Variants in TCF4 observed in about 807,000 individuals in gnomAD.
The protein encoded by TCF4 is SL3-3 enhancer factor 2.
TCF4 carries 3 observed loss-of-function variants against 82.1 expected under a neutral mutation model. The ratio of observed to expected loss-of-function variants is 0.04; its 90% CI spans 0.02 to 0.09. The LOEUF is 0.09. Among genes scored for constraint, TCF4 ranks in the 10% least tolerant of loss-of-function variants. TCF4 has a pLI of 1.00. For missense variants in TCF4, 518 were observed against 852.7 expected, an observed-to-expected ratio of 0.61 and a Z score of 4.89; for synonymous variants, 276 against 309.6, an observed-to-expected ratio of 0.89 and a Z score of 1.14.
intron 3 of TCF4, chr18:55,553,204 A>G (rs1302758160): frequency 6.6e-6 from 1 of 152,234 alleles, no homozygotes; most frequent in East Asian, 1.9e-4. Flanking sequence ...TATCATATAT[A>G]CATACATAGC....
intron 8 of TCF4, among the ~76,000 whole-genome samples, chr18:55,294,269 GA>G (rs1396986356): frequency 5.5e-5 from 8 of 144,368 alleles, no homozygotes; most frequent in South Asian, 4.2e-4. Flanking sequence ...CAAAAAAAAA[GA>G]AAAAAAAGAA....
At chr18:55,519,244 G>A (rs2096912004) in intron 3 of TCF4, among the ~76,000 whole-genome samples, 1 of 151,870 alleles carries the variant, frequency 6.6e-6, no homozygotes. Context: ...ACCAGCCTGG[G>A]CAACATTGTG....
Position 55,357,362 on chromosome 18 carries a change from C to T in TCF4, c.370-6359G>A, listed in dbSNP as rs974603196. ...ACAATACAGAATTTAAGAAAACTAT[C>T]TTCTTTGTCAGTTTAAGCTCCTTCT... On this transcript the variant is annotated intron_variant, in intron 6 of 19. Transcript: ENST00000354452. Among the ~76,000 whole-genome samples the T allele has an allele frequency of 4.5e-4, 68 of 152,244 alleles. 1 individual carries two copies. The highest frequency in any genetic ancestry group is 1.6e-3 in the African/African-American group (67 of 41,562).
At chr18:55,496,743 T>C (rs1568228801) in intron 3 of TCF4, among the ~76,000 whole-genome samples, 1 of 151,966 alleles carries the variant, frequency 6.6e-6, no homozygotes, top group African/African-American at 2.4e-5. Context: ...AGTAACCCAG[T>C]TATATAGTCC....
At chr18:55,555,761 G>A (rs754197002) in intron 3 of TCF4, among the ~76,000 whole-genome samples, 1 of 152,098 alleles carries the variant, frequency 6.6e-6, no homozygotes, top group Non-Finnish European at 1.5e-5. Context: ...TTTAGTAACT[G>A]CATTAGAAAG....
chr18:55,479,696 A>C (rs1603533310), intron 3 of TCF4, among the ~76,000 whole-genome samples: 1 of 152,102 alleles, frequency 6.6e-6, no homozygotes, highest in Non-Finnish European at 1.5e-5. Context: ...TGAGCCATGG[A>C]AGAAGCCAGG....
intron 3 of TCF4, among the ~76,000 whole-genome samples, chr18:55,552,159 A>G (rs989902825): frequency 6.6e-6 from 1 of 152,202 alleles, no homozygotes; most frequent in Non-Finnish European, 1.5e-5. Context: ...TACGTCTCCA[A>G]CTACAGTGTA....
At chr18:55,584,837 C>A (rs773594117) in intron 3 of TCF4, among the ~76,000 whole-genome samples, 1 of 152,116 alleles carries the variant, frequency 6.6e-6, no homozygotes, top group Non-Finnish European at 1.5e-5. Context: ...CATTCATTTG[C>A]AGAATTAAGT....
In TCF4 at chr18:55,631,293, C is replaced by G. The variant is rs1399271696; in HGVS notation, c.286+5G>C. 2.2e-6 allele frequency: 3 copies of G among 1,376,486 alleles called. No homozygotes were observed. The African/African-American group carries it at 4.3e-5, about 20-fold the overall frequency. 85.3% of individuals were successfully genotyped at this position (1,376,486 alleles called of 1,614,324 possible). A position where few individuals can be genotyped will look rare whatever the true frequency, so the allele number is the denominator to read the frequency against. On this transcript the variant is annotated splice_donor_5th_base_variant and intron_variant, in intron 2 of 20. Coordinates refer to the TCF4 transcript ENST00000398339. ...TGAACACCTGACCTCAGGTGATCCA[C>G]CTACCTTGGCCTCCCAAAGTGCTGG...
intron 10 of TCF4, 107 bp from the exon 11 acceptor site, chr18:55,270,070 T>C (rs2060017567): frequency 7.0e-7 from 1 of 1,431,890 alleles, no homozygotes; most frequent in Non-Finnish European, 9.8e-7. Context: ...GGAGACAGCT[T>C]TTAGAATTTC....
At chr18:55,506,364 A>T (rs868403569) in intron 3 of TCF4, among the ~76,000 whole-genome samples, 4 of 152,212 alleles carry the variant, frequency 2.6e-5, no homozygotes, top group Admixed American at 6.5e-5. Context: ...TGAGGCTGCT[A>T]CTTCCCAGTT....
chr18:55,309,931 A>G (rs527662932), intron 8 of TCF4, among the ~76,000 whole-genome samples: 1 of 152,364 alleles, frequency 6.6e-6, no homozygotes, highest in Admixed American at 6.5e-5. Flanking sequence ...ACCATCTTCC[A>G]GAAACAGAAA....
At chr18:55,313,580 G>A (rs1015983147) in intron 8 of TCF4, among the ~76,000 whole-genome samples, 3 of 152,100 alleles carry the variant, frequency 2.0e-5, no homozygotes, top group Non-Finnish European at 4.4e-5. Flanking sequence ...AAAGGACAGG[G>A]AAGGCATTAT....
chr18:55,408,339 C>T (rs1394918398), intron 5 of TCF4, among the ~76,000 whole-genome samples: 1 of 152,076 alleles, frequency 6.6e-6, no homozygotes, highest in East Asian at 1.9e-4. Flanking sequence ...GCCTTTTGTT[C>T]CCTGGCATCA....
At chr18:55,558,535 G>C (rs1482105628) in intron 3 of TCF4, among the ~76,000 whole-genome samples, 1 of 152,064 alleles carries the variant, frequency 6.6e-6, no homozygotes, top group African/African-American at 2.4e-5. Flanking sequence ...AATTACTTAT[G>C]CCCATACAAA....
At chr18:55,259,010 G>A (rs2145650068) in intron 13 of TCF4, among the ~76,000 whole-genome samples, 1 of 152,284 alleles carries the variant, frequency 6.6e-6, no homozygotes, top group East Asian at 1.9e-4. Context: ...GGAAGAGGTT[G>A]ACATTAAATC....
chr18:55,294,807 A>C (rs1432874410), intron 8 of TCF4, among the ~76,000 whole-genome samples: 1 of 152,170 alleles, frequency 6.6e-6, no homozygotes, highest in Non-Finnish European at 1.5e-5. Context: ...TATTGTAGGG[A>C]CAGGGTCTCA....
intron 15 of TCF4, among the ~76,000 whole-genome samples, chr18:55,251,988 CA>C (rs1246795789): frequency 1.6e-5 from 2 of 126,008 alleles, no homozygotes; most frequent in African/African-American, 6.1e-5. Context: ...TGGAATGTAT[CA>C]AATGGTCAAA....
At chr18:55,299,642 G>A (rs1324135891) in intron 8 of TCF4, among the ~76,000 whole-genome samples, 3 of 152,072 alleles carry the variant, frequency 2.0e-5, no homozygotes, top group Non-Finnish European at 4.4e-5. Context: ...GCCCATCTTA[G>A]AACAGATTAC....
Sources: allele counts gnomAD v4.1 joint callset (sites outside exome capture counted in the v4.1 genomes callset), GRCh38; gene constraint gnomAD v4.1.1; transcripts MANE v1.5; gene names NCBI Gene and HGNC (gene_info 2026-07-23, HGNC 2026-07-21).